CHM: variants seen among roughly 807,000 people sequenced by gnomAD.
CHM encodes CHM Rab escort protein.
CHM carries 10 observed loss-of-function variants against 49.0 expected under a neutral mutation model. The observed-to-expected ratio is 0.20, with a 90% CI of 0.13 to 0.35. The LOEUF (loss-of-function observed/expected upper bound fraction) is 0.35. Among genes scored for constraint, CHM ranks in the 10% least tolerant of loss-of-function variants. CHM has a pLI of 1.00. For synonymous variants in CHM, 184 were observed against 167.5 expected (o/e 1.10, Z -0.76); for missense variants, 455 against 478.4 (o/e 0.95, Z 0.46).
chrX:86,031,286 T>C (rs1297269356), intron 1 of CHM, among the ~76,000 whole-genome samples: 1 of 111,531 alleles, frequency 9.0e-6, no homozygotes, highest in Non-Finnish European at 1.9e-5. Flanking sequence ...AACACTGTAT[T>C]GCACACTTAA....
intron 8 of CHM, among the ~76,000 whole-genome samples, chrX:85,939,906 T>C (rs1469169614): frequency 8.9e-6 from 1 of 111,863 alleles, no homozygotes; most frequent in African/African-American, 3.2e-5. Flanking sequence ...GTAATAAGAT[T>C]CAAAGAAAGG....
intron 9 of CHM, among the ~76,000 whole-genome samples, chrX:85,910,149 A>G (rs1242982257): frequency 2.7e-5 from 3 of 111,808 alleles, no homozygotes; most frequent in Non-Finnish European, 5.7e-5. Flanking sequence ...TAAGCATTAC[A>G]TATTTCCAGA....
At chrX:85,993,910 G>A (rs770245931) in intron 2 of CHM, among the ~76,000 whole-genome samples, 1 of 111,727 alleles carries the variant, frequency 9.0e-6, no homozygotes, top group Non-Finnish European at 1.9e-5. Context: ...AAAAAGAACC[G>A]ATCCCTGTGC....
intron 8 of CHM, among the ~76,000 whole-genome samples, chrX:85,936,761 T>C (rs1399563359): frequency 2.7e-5 from 3 of 112,141 alleles, no homozygotes; most frequent in Non-Finnish European, 5.6e-5. Flanking sequence ...TGGGGAATAG[T>C]AGAGAACACA....
At chrX:85,984,132 G>A (rs930095399) in intron 2 of CHM, among the ~76,000 whole-genome samples, 1 of 110,141 alleles carries the variant, frequency 9.1e-6, no homozygotes, top group Non-Finnish European at 1.9e-5. Context: ...AACCCAGGAG[G>A]CAGAGGCTGC....
chrX:85,934,639 A>G (rs912565065), intron 8 of CHM, among the ~76,000 whole-genome samples: 6 of 110,168 alleles, frequency 5.4e-5, no homozygotes, highest in African/African-American at 2.0e-4. Context: ...GCTGCATAGT[A>G]TTCCACGGTG....
chrX:86,027,455 T>C, intron 2 of CHM, 36 bp downstream of exon 2: 1 of 1,106,920 alleles, frequency 9.0e-7, no homozygotes, highest in Non-Finnish European at 1.2e-6. Flanking sequence ...ATAGAGATAT[T>C]TAGGAAATAT....
chrX:85,997,310 A>AC (rs1163399315), intron 2 of CHM, among the ~76,000 whole-genome samples: 1 of 110,989 alleles, frequency 9.0e-6, no homozygotes, highest in Admixed American at 9.6e-5. Flanking sequence ...TAATGTCTAT[A>AC]CCCCCTAGGG....
chrX:85,880,463 C>T (rs1354152847), intron 12 of CHM, among the ~76,000 whole-genome samples: 1 of 111,237 alleles, frequency 9.0e-6, no homozygotes, highest in African/African-American at 3.3e-5. Context: ...TTCAAAATCT[C>T]GTGAAATACC....
intron 8 of CHM, among the ~76,000 whole-genome samples, chrX:85,950,037 T>C (rs1475779931): frequency 1.1e-5 from 1 of 87,424 alleles, no homozygotes; most frequent in African/African-American, 4.3e-5. Flanking sequence ...TATGTGGAGG[T>C]TGTATTGCAT....
At chrX:85,958,500 C>A (rs1046382175) in intron 6 of CHM, among the ~76,000 whole-genome samples, 1 of 110,944 alleles carries the variant, frequency 9.0e-6, no homozygotes, top group Non-Finnish European at 1.9e-5. Flanking sequence ...AGGCTCCGGG[C>A]CTCCTCCTCT....
At chrX:85,913,123 G>T (rs1175678221) in intron 8 of CHM, among the ~76,000 whole-genome samples, 1 of 87,023 alleles carries the variant, frequency 1.1e-5, no homozygotes, top group Non-Finnish European at 2.3e-5. Context: ...TCAGGAGTTC[G>T]AGACCAGCCC....
chrX:85,920,754 G>A (rs1250817928), intron 8 of CHM, among the ~76,000 whole-genome samples: 1 of 111,875 alleles, frequency 8.9e-6, no homozygotes, highest in Non-Finnish European at 1.9e-5. Flanking sequence ...AAAAATCCAA[G>A]TGATTTGGTC....
At chrX:86,023,100 A>G (rs961514100) in intron 2 of CHM, among the ~76,000 whole-genome samples, 1 of 111,435 alleles carries the variant, frequency 9.0e-6, no homozygotes, top group African/African-American at 3.3e-5. Flanking sequence ...ACAGCCACCT[A>G]GCAAGTCTGC....
chrX:85,933,279 C>G (rs1159580483), intron 8 of CHM, among the ~76,000 whole-genome samples: 1 of 111,847 alleles, frequency 8.9e-6, no homozygotes, highest in Non-Finnish European at 1.9e-5. Context: ...CACAACTTAA[C>G]ACAGTTTGGA....
intron 13 of CHM, among the ~76,000 whole-genome samples, chrX:85,878,363 C>T (rs1481383049): frequency 9.1e-6 from 1 of 110,144 alleles, no homozygotes; most frequent in African/African-American, 3.3e-5. Flanking sequence ...GCCTGTAGTC[C>T]CAGCTACTCA....
At chrX:85,929,444 T>C (rs185497093) in intron 8 of CHM, among the ~76,000 whole-genome samples, 15 of 112,147 alleles carry the variant, frequency 1.3e-4, no homozygotes, top group African/African-American at 4.9e-4. Context: ...ATTTGCTTTT[T>C]TTCTTTTCTT....
At chrX:85,895,814 T>C (rs1925793017) in intron 11 of CHM, among the ~76,000 whole-genome samples, 1 of 111,578 alleles carries the variant, frequency 9.0e-6, no homozygotes, top group South Asian at 3.8e-4. Flanking sequence ...ACATTGAATG[T>C]TGAACAATAG....
rs913831838 is a variant in CHM, at chrX:85,862,730, C to T, written c.*1900G>A. 1.8e-5 allele frequency: 2 copies of T among 111,238 alleles called. No homozygotes were observed. Among genetic ancestry groups the T allele is most frequent in the African/African-American group, 6.5e-5 (2 of 30,569 alleles). 9.2% of individuals were successfully genotyped at this position (111,238 alleles called of 1,213,427 possible). A position where few individuals can be genotyped will look rare whatever the true frequency, so the allele number is the denominator to read the frequency against. On this transcript the variant is annotated 3_prime_UTR_variant, in exon 15 of 15. Coordinates refer to ENST00000357749, the MANE Select transcript of CHM (RefSeq NM_000390.4). Reference sequence around the variant, plus strand: ...ATTACTCTGGCTTGAACTATATCTGCAGTGGGTAGAAAGGTGAGGCAAGAG... The same window carrying T: ...ATTACTCTGGCTTGAACTATATCTGTAGTGGGTAGAAAGGTGAGGCAAGAG...
Sources: gnomAD v4.1 joint callset for allele counts (sites outside exome capture counted in the v4.1 genomes callset) on GRCh38, gnomAD v4.1.1 for gene constraint, MANE v1.5 for transcripts, NCBI Gene and HGNC (gene_info 2026-07-23, HGNC 2026-07-21) for gene names.